The following ADRA1D variants were observed in gnomAD, a reference collection of about 807,000 sequenced individuals.
ADRA1D encodes the protein adrenoceptor alpha 1D.
A neutral mutation model predicts 18.6 loss-of-function variants in ADRA1D; 22 were observed. That is an observed-to-expected ratio of 1.19 (90% CI 0.85 to 1.69). ADRA1D has a LOEUF of 1.69. Ranked by LOEUF, ADRA1D falls within the 40% of genes most tolerant of loss-of-function variation. The probability of loss-of-function intolerance (pLI) is 0.00; values close to 1 mark genes in which losing one functional copy is unlikely to be tolerated. For synonymous variants in ADRA1D, 376 were observed against 388.2 expected (o/e 0.97, Z 0.37); for missense variants, 840 against 840.7 (o/e 1.00, Z 0.01).
At chr20:4,231,098 TTTC>T (rs1157029045) in intron 1 of ADRA1D, among the ~76,000 whole-genome samples, 612 of 14,704 alleles carry the variant, frequency 0.042, 8 homozygotes, top group African/African-American at 0.14. Context: ...TTTTCTTTTC[TTTC>T]TTTCTTTCTC....
rs1288031765 is a variant in ADRA1D at position 4,222,421 on chromosome 20, G to A, written c.1112-291C>T. The A allele has an allele frequency of 1.7e-5, 5 of 296,876 alleles. No homozygotes were observed. Among genetic ancestry groups the A allele is most frequent in the Non-Finnish European group, 2.5e-5 (4 of 162,578 alleles). 18.4% of individuals were successfully genotyped at this position (296,876 alleles called of 1,614,324 possible). ...ATTGCTGTTTTTGTAGCTCAAAACC[G>A]GTGCAATATTGGCAGTTTCGTATTA... On this transcript the variant is annotated intron_variant, in intron 1 of 1. Coordinates refer to ENST00000379453, the MANE Select transcript of ADRA1D (RefSeq NM_000678.4). The surrounding 1 kb of genome is among the most constrained non-coding windows in gnomAD (Gnocchi z 4.3).
intron 1 of ADRA1D, among the ~76,000 whole-genome samples, chr20:4,237,859 T>TTTATTTATTTATTTATTTAG (rs1981132077): frequency 6.6e-6 from 1 of 151,204 alleles, no homozygotes; most frequent in African/African-American, 2.4e-5. Flanking sequence ...TATTTATTTA[T>TTTATTTATTTATTTATTTAG]TTAGTAGAGA....
Position 4,221,501 on chromosome 20 carries a change from C to T in ADRA1D, c.*22G>A. ...CCCTTACCCCCAAGCCCAGCACACTCCGCGGCCTAGCTCTGGGGTCCTTAA... is the reference window on the plus strand; with the variant it reads ...CCCTTACCCCCAAGCCCAGCACACTTCGCGGCCTAGCTCTGGGGTCCTTAA... On this transcript the variant is annotated 3_prime_UTR_variant, in exon 2 of 2. Coordinates refer to ENST00000379453, the MANE Select transcript of ADRA1D (RefSeq NM_000678.4). The T allele has an allele frequency of 6.3e-7, 1 of 1,588,604 alleles. No individual in the cohort carries two copies. Among genetic ancestry groups the T allele is most frequent in the Non-Finnish European group, 8.6e-7 (1 of 1,162,328 alleles).
Position 4,248,599 on chromosome 20 carries a change from G to C in ADRA1D, c.359C>G (p.Ser120Ter). The change falls in exon 1 of 2, where the codon TCA (serine) becomes TGA (stop). Residue 120 changes from serine to a stop codon, truncating the protein, a stop_gained. Coordinates refer to ENST00000379453, the MANE Select transcript of ADRA1D (RefSeq NM_000678.4). LOFTEE classifies it high-confidence loss of function. ...CTGCAGGTGGCGGTTGCAGGCCACT[G>C]AGAGGATGACAAGCAGGTTACCTGC... ...AVAGNLLVILSVACNRHLQTV... is the reference protein window; with the variant it reads ...AVAGNLLVIL The C allele has an allele frequency of 6.2e-7, 1 of 1,613,482 alleles. No homozygotes were observed. Among genetic ancestry groups the C allele is most frequent in the Non-Finnish European group, 8.5e-7 (1 of 1,179,928 alleles).
intron 1 of ADRA1D, among the ~76,000 whole-genome samples, chr20:4,238,136 C>A (rs551801894): frequency 6.6e-6 from 1 of 151,602 alleles, no homozygotes; most frequent in East Asian, 2.0e-4. Flanking sequence ...GCCTGTAGTC[C>A]CAGCTACTTG....
chr20:4,248,722 CCGCCCG>C lies in ADRA1D; in HGVS notation c.230_235del (p.Ala77_Gly78del). 1 of 1,548,096 alleles carries C rather than the reference CCGCCCG, an allele frequency of 6.5e-7. No individual in the cohort carries two copies. On this transcript the variant is annotated inframe_deletion, in exon 1 of 2. Coordinates refer to ENST00000379453, the MANE Select transcript of ADRA1D (RefSeq NM_000678.4). ...GACGGCCGCCGTGCCATTCACGTCG[CCGCCCG>C]CGCCCGCGCTCCCCGGCTCCCCCGC...
Position 4,245,681 on chromosome 20 carries a change from C to T in ADRA1D, c.1111+2166G>A, listed in dbSNP as rs1981320041. Among the ~76,000 whole-genome samples the T allele has an allele frequency of 1.3e-5, 2 of 151,950 alleles. 1 individual carries two copies. The highest frequency in any genetic ancestry group is 4.8e-5 in the African/African-American group (2 of 41,382). On this transcript the variant is annotated intron_variant, in intron 1 of 1. Transcript: ENST00000379453. ...GAGCTGGCATTCTACACAGGTTGGG[C>T]GTTCCCTACAGGGGCCCAGTGTGAA...
At chr20:4,244,926 C>T (rs6052456) in intron 1 of ADRA1D, among the ~76,000 whole-genome samples, 26,977 of 152,210 alleles carry the variant, frequency 0.18, 2,567 homozygotes, top group Middle Eastern at 0.21. Flanking sequence ...GAAAGGTGCC[C>T]TGAGAAGCCT....
chr20:4,237,786 C>T (rs1387295415), intron 1 of ADRA1D, among the ~76,000 whole-genome samples: 1 of 151,636 alleles, frequency 6.6e-6, no homozygotes, highest in Non-Finnish European at 1.5e-5. Flanking sequence ...GCCTCAGCCT[C>T]CCAAATAGCT....
In ADRA1D at chr20:4,222,927, AT is replaced by A. The variant is rs527802129; in HGVS notation, c.1112-798del. Among the ~76,000 whole-genome samples the A allele has an allele frequency of 9.1e-4, 139 of 152,344 alleles. No homozygotes were observed. The highest frequency in any genetic ancestry group is 3.3e-3 in the African/African-American group (137 of 41,580). Reference sequence around the variant, plus strand: ...AGACTTCTAAATAAAACTAATGTTAATTTTTTAAAAGCTTTTTTTTCTTTAA... The same window carrying A: ...AGACTTCTAAATAAAACTAATGTTAATTTTTAAAAGCTTTTTTTTCTTTAA... On this transcript the variant is annotated intron_variant, in intron 1 of 1. Coordinates refer to ENST00000379453, the MANE Select transcript of ADRA1D (RefSeq NM_000678.4). The surrounding 1 kb of genome is among the most constrained non-coding windows in gnomAD (Gnocchi z 4.3).
Position 4,222,714 on chromosome 20 carries a change from T to C in ADRA1D, c.1112-584A>G, listed in dbSNP as rs2122653730. 2.6e-5 allele frequency among the ~76,000 whole-genome samples: 4 copies of C among 152,290 alleles called. 1 individual carries two copies. The highest frequency in any genetic ancestry group is 6.8e-3 in the Middle Eastern group (2 of 294). On this transcript the variant is annotated intron_variant, in intron 1 of 1. Transcript: ENST00000379453. This position sits in a 1 kb window ranked among gnomAD's most constrained non-coding sequence, Gnocchi z 4.3. ...GTAATTATGCTGCTATGAACAGATA[T>C]ACTCTTACACCCAAAACTCAATATA...
In ADRA1D at chr20:4,248,669, C is replaced by T; in HGVS notation, c.289G>A (p.Val97Met). Residue 97 changes from valine to methionine, a missense_variant, in exon 1 of 2, where the codon GTG (valine) becomes ATG (methionine). Coordinates refer to ENST00000379453, the MANE Select transcript of ADRA1D (RefSeq NM_000678.4). ...VGGLVVSAQG[V>M]GVGVFLAAFI... ...GCTGCCAGGAAGACGCCCACGCCCA[C>T]GCCCTGCGCGCTCACCACCAGTCCC... 6.2e-7 allele frequency: 1 copy of T among 1,600,068 alleles called. No individual in the cohort carries two copies. Among genetic ancestry groups the T allele is most frequent in the Non-Finnish European group, 8.5e-7 (1 of 1,174,344 alleles).
chr20:4,229,200 T>C (rs558211671), intron 1 of ADRA1D, among the ~76,000 whole-genome samples: 8 of 152,264 alleles, frequency 5.3e-5, no homozygotes, highest in Non-Finnish European at 1.0e-4. Flanking sequence ...GTGTTAAATA[T>C]TGACTTTACA....
Position 4,248,532 on chromosome 20 carries a change from G to T in ADRA1D, c.426C>A (p.Asp142Glu). The change falls in exon 1 of 2, where the codon GAC (aspartate) becomes GAA (glutamate). Residue 142 changes from aspartate to glutamate, a missense_variant. Coordinates refer to ENST00000379453, the MANE Select transcript of ADRA1D (RefSeq NM_000678.4). ...NYFIVNLAVA[D>E]LLLSATVLPF... is the part of the protein sequence containing the mutation. ...GCAGTACGGTGGCGCTCAGCAGCAG[G>T]TCGGCCACGGCCAGGTTCACGATGA... 1 of 1,613,888 alleles carries T rather than the reference G, an allele frequency of 6.2e-7. No homozygotes were observed. Among genetic ancestry groups the T allele is most frequent in the Non-Finnish European group, 8.5e-7 (1 of 1,179,964 alleles).
intron 1 of ADRA1D, among the ~76,000 whole-genome samples, chr20:4,232,941 C>T (rs1217090646): frequency 3.3e-5 from 5 of 152,212 alleles, no homozygotes; most frequent in Non-Finnish European, 5.9e-5. Context: ...TCAACCACAC[C>T]CTGGCTTTAG....
At chr20:4,231,235 C>G (rs1016956519) in intron 1 of ADRA1D, among the ~76,000 whole-genome samples, 1 of 149,750 alleles carries the variant, frequency 6.7e-6, no homozygotes, top group Non-Finnish European at 1.5e-5. Flanking sequence ...TTAGTTGGGA[C>G]TACAGGCATG....
Position 4,221,598 on chromosome 20 carries a change from G to C in ADRA1D, c.1644C>G (p.His548Gln). Residue 548 changes from histidine to glutamine, a missense_variant, in exon 2 of 2, where the codon CAC becomes CAG. Transcript: ENST00000379453. ...EVEAVSLGVPHEVAEGATCQA... is the reference protein window; with the variant it reads ...EVEAVSLGVPQEVAEGATCQA... ...GGCAGGTGGCGCCCTCGGCCACCTC[G>C]TGTGGGACGCCTAGGGACACAGCCT... 6.2e-7 allele frequency: 1 copy of C among 1,613,350 alleles called. No individual in the cohort carries two copies. The highest frequency in any genetic ancestry group is 8.5e-7 in the Non-Finnish European group (1 of 1,179,620).
intron 1 of ADRA1D, among the ~76,000 whole-genome samples, chr20:4,236,056 G>A (rs1030291224): frequency 3.3e-5 from 5 of 152,198 alleles, no homozygotes; most frequent in African/African-American, 7.2e-5. Context: ...TGAGGGCTTC[G>A]GTGGGATGGA....
chr20:4,225,041 AC>A (rs1165729012), intron 1 of ADRA1D, among the ~76,000 whole-genome samples: 1 of 134,068 alleles, frequency 7.5e-6, no homozygotes, highest in Non-Finnish European at 1.5e-5. Flanking sequence ...TCGCTCTGTC[AC>A]CCAGGCTGGA....
Sources: allele counts gnomAD v4.1 joint callset (sites outside exome capture counted in the v4.1 genomes callset), GRCh38; gene constraint gnomAD v4.1.1; non-coding constraint Gnocchi (gnomAD v3.1); transcripts MANE v1.5; gene names NCBI Gene and HGNC (gene_info 2026-07-23, HGNC 2026-07-21).